PARL: variants seen among roughly 807,000 people sequenced by gnomAD.
PARL encodes presenilin associated rhomboid like.
A neutral mutation model predicts 51.6 loss-of-function variants in PARL; 44 were observed. That is an observed-to-expected ratio of 0.85 (90% CI 0.67 to 1.10). The LOEUF (loss-of-function observed/expected upper bound fraction) is 1.10, where lower values mean the gene tolerates loss of function less well. Among genes scored for constraint, PARL ranks in the 50% least tolerant of loss-of-function variants. The probability of loss-of-function intolerance (pLI) is 0.00; values close to 1 mark genes in which losing one functional copy is unlikely to be tolerated. For missense variants in PARL, 441 were observed against 469.5 expected (o/e 0.94, Z 0.56); for synonymous variants, 172 against 164.0 (o/e 1.05, Z -0.37).
chr3:183,829,578 A>T lies in PARL; in HGVS notation c.*20T>A. The T allele has an allele frequency of 6.2e-7, 1 of 1,614,210 alleles. No homozygotes were observed. Among genetic ancestry groups the T allele is most frequent in the Non-Finnish European group, 8.5e-7 (1 of 1,180,036 alleles). ...TCAGGCGGCAAGGACCAGATGCACC[A>T]CTACTGTCCAATCCCAGTTTTACTT... On this transcript the variant is annotated 3_prime_UTR_variant, in exon 10 of 10. Transcript: ENST00000317096.
chr3:183,827,723 G>A (rs950418835), downstream of PARL, among the ~76,000 whole-genome samples: 1 of 152,166 alleles, frequency 6.6e-6, no homozygotes, highest in African/African-American at 2.4e-5. Flanking sequence ...CTTAAGCCGA[G>A]TGCTATTTGA....
intron 1 of PARL, among the ~76,000 whole-genome samples, chr3:183,880,672 G>C (rs1328430255): frequency 6.6e-6 from 1 of 152,048 alleles, no homozygotes. Flanking sequence ...AAAGTGCTGG[G>C]ATTACAGGCA....
intron 4 of PARL, among the ~76,000 whole-genome samples, chr3:183,860,814 CTTTT>C (rs11405513): frequency 3.2e-5 from 4 of 126,720 alleles, no homozygotes; most frequent in African/African-American, 3.0e-5. Context: ...AATTTCGTTA[CTTTT>C]TTTTTTTTTT....
chr3:183,856,001 C>T (rs911572879), intron 4 of PARL, among the ~76,000 whole-genome samples: 2 of 150,884 alleles, frequency 1.3e-5, no homozygotes, highest in Non-Finnish European at 3.0e-5. Flanking sequence ...ACCCCACAAA[C>T]AAAGTTTCAC....
rs1045941156 is a variant in PARL at position 183,879,951 on chromosome 3, G to A, written c.125+4771C>T. 4.1e-5 allele frequency among the ~76,000 whole-genome samples: 6 copies of A among 146,386 alleles called. No homozygotes were observed. The Admixed American group carries it at 4.2e-4, about 10-fold the overall frequency. On this transcript the variant is annotated intron_variant, in intron 1 of 9. Transcript: ENST00000317096. The stretch of plus-strand genomic sequence containing the variant: ...TCGCCATATTGGCCAGGCTGGTCTC[G>A]AACTCCTGACCTCAGGTGATCTGCC...
At chr3:183,832,279 C>T (rs545064092) in intron 9 of PARL, among the ~76,000 whole-genome samples, 134 of 150,684 alleles carry the variant, frequency 8.9e-4, no homozygotes, top group African/African-American at 3.0e-3. Context: ...AGTGCAGTGG[C>T]GTGATCTCGG....
chr3:183,841,707 C>G (rs1490173042), intron 6 of PARL, among the ~76,000 whole-genome samples: 1 of 152,126 alleles, frequency 6.6e-6, no homozygotes, highest in African/African-American at 2.4e-5. Context: ...CATCTAGGGA[C>G]CTGGATTCAT....
chr3:183,880,593 G>A (rs1470615202), intron 1 of PARL, among the ~76,000 whole-genome samples: 4 of 151,864 alleles, frequency 2.6e-5, no homozygotes, highest in Non-Finnish European at 1.5e-5. Flanking sequence ...GTAGAGAGGG[G>A]GTTTCACCAC....
intron 4 of PARL, among the ~76,000 whole-genome samples, chr3:183,859,528 G>T (rs562690176): frequency 1.0e-3 from 156 of 152,092 alleles, no homozygotes; most frequent in Non-Finnish European, 1.9e-3. Context: ...GTAGAGATGG[G>T]GTTTCACCAT....
At position 183,881,459 on chromosome 3, in the gene PARL, A is replaced by G. The variant is rs182660682; in HGVS notation, c.125+3263T>C. The stretch of plus-strand genomic sequence containing the variant: ...TTAAGAGTGCAACGGTAAAGACAAT[A>G]CAACTTAAATATACAGGTCAGTGTT... On this transcript the variant is annotated intron_variant, in intron 1 of 9. Coordinates refer to ENST00000317096, the MANE Select transcript of PARL (RefSeq NM_018622.7). Among the ~76,000 whole-genome samples, 12 of 152,402 alleles carry G rather than the reference A, an allele frequency of 7.9e-5. No homozygotes were observed. In the East Asian group the frequency reaches 2.3e-3, roughly 29 times the overall value.
intron 1 of PARL, among the ~76,000 whole-genome samples, chr3:183,873,228 G>A (rs1335678667): frequency 3.9e-5 from 6 of 152,110 alleles, no homozygotes; most frequent in Admixed American, 2.0e-4. Flanking sequence ...GTTGACAGCC[G>A]GGCATGGTAG....
rs1732724205 is a variant in PARL, at chr3:183,867,939, C to T, written c.247G>A (p.Val83Met). 9 of 1,613,774 alleles carry T rather than the reference C, an allele frequency of 5.6e-6. No homozygotes were observed. Among genetic ancestry groups the T allele is most frequent in the Non-Finnish European group, 4.2e-6 (5 of 1,179,780 alleles). The change falls in exon 2 of 10, where the codon GTG becomes ATG. Residue 83 changes from valine to methionine, a missense_variant. Val to Met is a conservative substitution (Grantham distance 21). Transcript: ENST00000317096. ...GAAGGATAAAAGACTGTTTCTTCCA[C>T]AGGAGGAATCAAAGCACTTCTCTTG... is the stretch of plus-strand genomic sequence containing the variant. ...AYKRSALIPP[V>M]EETVFYPSPY... is the part of the protein sequence containing the mutation.
At chr3:183,841,877 A>C (rs987559662) in intron 6 of PARL, among the ~76,000 whole-genome samples, 8 of 152,212 alleles carry the variant, frequency 5.3e-5, no homozygotes, top group Non-Finnish European at 7.3e-5. Context: ...AACTGAACAC[A>C]CTGGGGGAAA....
At chr3:183,884,678 T>G in intron 1 of PARL, 44 bp downstream of exon 1, 1 of 1,567,968 alleles carries the variant, frequency 6.4e-7, no homozygotes, top group Non-Finnish European at 8.6e-7. Flanking sequence ...CGGCCAGAGC[T>G]CAGGGACCAA....
intron 5 of PARL, 89 bp from the exon 6 acceptor site, chr3:183,842,536 G>C: frequency 7.9e-7 from 1 of 1,263,390 alleles, no homozygotes; most frequent in Non-Finnish European, 1.1e-6. Context: ...TAGGCCGGAC[G>C]CAGTGGCTCA....
rs11711050 is a variant in PARL at position 183,884,795 on chromosome 3, C to T, written c.52G>A (p.Gly18Ser). The change falls in exon 1 of 10, where the codon GGT (glycine) becomes AGT (serine). Residue 18 changes from glycine to serine, a missense_variant. Gly to Ser is a moderately conservative substitution (Grantham distance 56). Transcript: ENST00000317096. ...CAGCTGCGGCCGCCCACCGACGCAC[C>T]CCACGCCTGGCCGCAGCCCCAGCCT... ...QRGWGCGQAW[G>S]ASVGGRSCEE... 3.8e-6 allele frequency: 6 copies of T among 1,594,730 alleles called. No individual in the cohort carries two copies. The highest frequency in any genetic ancestry group is 5.1e-6 in the Non-Finnish European group (6 of 1,177,278).
Position 183,867,848 on chromosome 3 carries a change from G to T in PARL, c.321+17C>A. The T allele has an allele frequency of 6.3e-7, 1 of 1,583,762 alleles. No homozygotes were observed. The highest frequency in any genetic ancestry group is 8.7e-7 in the Non-Finnish European group (1 of 1,154,110). On this transcript the variant is annotated intron_variant, in intron 2 of 9. Transcript: ENST00000317096. ...TTTCTAGCAAGGTAGGTAACTCCTAGCAAAGTGAGCTCTTACCCCAACAGT... is the reference window on the plus strand; with the variant it reads ...TTTCTAGCAAGGTAGGTAACTCCTATCAAAGTGAGCTCTTACCCCAACAGT...
At chr3:183,849,982 C>A (rs1179712486) in intron 4 of PARL, among the ~76,000 whole-genome samples, 3 of 152,052 alleles carry the variant, frequency 2.0e-5, no homozygotes, top group Non-Finnish European at 4.4e-5. Flanking sequence ...CTAAAATTGA[C>A]TCGAAGAAAT....
At chr3:183,851,330 A>G (rs79974180) in intron 4 of PARL, among the ~76,000 whole-genome samples, 5,991 of 152,312 alleles carry the variant, frequency 0.039, 162 homozygotes, top group Middle Eastern at 0.082. Context: ...TAGAATGTTT[A>G]TGCTTCAGAA....
Sources: allele counts gnomAD v4.1 joint callset (sites outside exome capture counted in the v4.1 genomes callset), GRCh38; gene constraint gnomAD v4.1.1; transcripts MANE v1.5; gene names NCBI Gene and HGNC (gene_info 2026-07-23, HGNC 2026-07-21).